Variants in DPY19L2 observed in about 807,000 individuals in gnomAD.
DPY19L2 encodes dpy-19 like 2.
In DPY19L2, 34 loss-of-function variants were observed where a neutral mutation model predicts 97.9. The ratio of observed to expected loss-of-function variants is 0.35; its 90% CI spans 0.26 to 0.46. DPY19L2 has a LOEUF of 0.46. Among genes scored for constraint, DPY19L2 ranks in the 20% least tolerant of loss-of-function variants. The pLI is 1.00. For synonymous variants in DPY19L2, 230 were observed against 307.9 expected (o/e 0.75, Z 2.65); for missense variants, 623 against 911.4 (o/e 0.68, Z 4.07).
chr12:63,596,770 A>T (rs901523269), intron 14 of DPY19L2, among the ~76,000 whole-genome samples: 1 of 152,168 alleles, frequency 6.6e-6, no homozygotes, highest in African/African-American at 2.4e-5. Context: ...ATGTCCTATG[A>T]AGAAAATTGA....
intron 8 of DPY19L2, among the ~76,000 whole-genome samples, chr12:63,623,117 T>G (rs903549635): frequency 6.6e-6 from 1 of 151,870 alleles, no homozygotes; most frequent in African/African-American, 2.4e-5. Context: ...CTCATTAGTA[T>G]TCTATCAAAC....
chr12:63,573,008 A>G (rs574274060), intron 19 of DPY19L2, among the ~76,000 whole-genome samples: 1 of 152,158 alleles, frequency 6.6e-6, no homozygotes, highest in South Asian at 2.1e-4. Flanking sequence ...TGCAAAAACT[A>G]TAATAAATAC....
intron 6 of DPY19L2, 72 bp downstream of exon 6, chr12:63,644,331 C>T (rs1195248819): frequency 6.5e-7 from 1 of 1,530,104 alleles, no homozygotes; most frequent in African/African-American, 1.4e-5. Flanking sequence ...TTTTCCTTTT[C>T]ATTTAATCAA....
chr12:63,665,438 A>G (rs1185564569), intron 2 of DPY19L2, among the ~76,000 whole-genome samples: 1 of 150,742 alleles, frequency 6.6e-6, no homozygotes, highest in Non-Finnish European at 1.5e-5. Flanking sequence ...ACGCCACTGC[A>G]CTCTAGCCTG....
intron 19 of DPY19L2, among the ~76,000 whole-genome samples, chr12:63,577,765 G>T (rs1298998743): frequency 6.6e-6 from 1 of 152,088 alleles, no homozygotes; most frequent in African/African-American, 2.4e-5. Flanking sequence ...TTATTCAAAA[G>T]ACAGGCAATA....
intron 1 of DPY19L2, among the ~76,000 whole-genome samples, chr12:63,667,326 A>G (rs1896448314): frequency 6.6e-6 from 1 of 152,156 alleles, no homozygotes; most frequent in Non-Finnish European, 1.5e-5. Flanking sequence ...CAAATATACT[A>G]CCAAATTCAT....
At chr12:63,626,744 G>C (rs1445540614) in intron 6 of DPY19L2, among the ~76,000 whole-genome samples, 1 of 152,032 alleles carries the variant, frequency 6.6e-6, no homozygotes, top group Non-Finnish European at 1.5e-5. Context: ...ATTTGTTATA[G>C]CTAAAATACT....
At chr12:63,633,044 C>T (rs1444273207) in intron 6 of DPY19L2, among the ~76,000 whole-genome samples, 1 of 152,260 alleles carries the variant, frequency 6.6e-6, no homozygotes, top group East Asian at 1.9e-4. Flanking sequence ...CCCTTCCTTA[C>T]ACCTTTTACA....
At chr12:63,585,017 G>T (rs1401786067) in intron 16 of DPY19L2, among the ~76,000 whole-genome samples, 1 of 152,144 alleles carries the variant, frequency 6.6e-6, no homozygotes, top group Non-Finnish European at 1.5e-5. Context: ...GACGTGAACA[G>T]AAATGTGTTC....
chr12:63,585,453 G>A (rs1881631036), intron 16 of DPY19L2, among the ~76,000 whole-genome samples: 1 of 151,558 alleles, frequency 6.6e-6, no homozygotes, highest in Non-Finnish European at 1.5e-5. Context: ...TTTTTAAATC[G>A]AAGACAGGGG....
chr12:63,621,420 A>C, intron 8 of DPY19L2, 83 bp from the exon 9 acceptor site: 1 of 721,226 alleles, frequency 1.4e-6, no homozygotes, highest in Non-Finnish European at 2.4e-6. Flanking sequence ...CAAAATGATA[A>C]AATCTACATT....
At chr12:63,596,370 G>C (rs1884243459) in intron 14 of DPY19L2, among the ~76,000 whole-genome samples, 2 of 151,990 alleles carry the variant, frequency 1.3e-5, no homozygotes, top group South Asian at 4.2e-4. Flanking sequence ...GTCCTACGTT[G>C]TAACTTTCTG....
intron 16 of DPY19L2, among the ~76,000 whole-genome samples, chr12:63,591,940 T>TTAAAAGAAAA (rs1883004258): frequency 1.6e-5 from 1 of 62,112 alleles, no homozygotes; most frequent in African/African-American, 8.9e-5. Flanking sequence ...CAAGACTCTG[T>TTAAAAGAAAA]GAAAAGAAAA....
At chr12:63,623,332 A>G (rs7296718) in intron 8 of DPY19L2, among the ~76,000 whole-genome samples, 105,315 of 151,924 alleles carry the variant, frequency 0.69, 37,069 homozygotes, top group African/African-American at 0.8. Context: ...GTGAATATAT[A>G]TACTCCTTAT....
chr12:63,564,372 A>G (rs890356249), intron 21 of DPY19L2, among the ~76,000 whole-genome samples: 10 of 152,148 alleles, frequency 6.6e-5, no homozygotes, highest in African/African-American at 2.2e-4. Context: ...CATTCAACAT[A>G]AAAACAAATC....
chr12:63,589,030 G>A (rs574374078), intron 16 of DPY19L2, among the ~76,000 whole-genome samples: 3 of 151,982 alleles, frequency 2.0e-5, no homozygotes, highest in East Asian at 1.9e-4. Flanking sequence ...TGGTATTACA[G>A]GCGTGAGCCA....
At chr12:63,592,326 A>G (rs1473091189) in intron 16 of DPY19L2, among the ~76,000 whole-genome samples, 17 of 151,124 alleles carry the variant, frequency 1.1e-4, no homozygotes, top group African/African-American at 3.9e-4. Context: ...AGCCCGCATC[A>G]CCAAGTCAAT....
At chr12:63,635,625 A>G (rs1891525653) in intron 6 of DPY19L2, among the ~76,000 whole-genome samples, 1 of 152,172 alleles carries the variant, frequency 6.6e-6, no homozygotes, top group East Asian at 1.9e-4. Context: ...AAGGCATGAG[A>G]ACTATGTGAC....
chr12:63,612,983 C>G (rs1887262915), intron 11 of DPY19L2, among the ~76,000 whole-genome samples: 1 of 151,956 alleles, frequency 6.6e-6, no homozygotes, highest in Non-Finnish European at 1.5e-5. Context: ...CACGAATAGC[C>G]TTATACCTTA....
Sources: gnomAD v4.1 joint callset for allele counts (sites outside exome capture counted in the v4.1 genomes callset) on GRCh38, gnomAD v4.1.1 for gene constraint, MANE v1.5 for transcripts, NCBI Gene and HGNC (gene_info 2026-07-23, HGNC 2026-07-21) for gene names.